NRG3: variants seen among roughly 807,000 people sequenced by gnomAD.
NRG3 encodes the protein neuregulin 3, also known as pro-neuregulin-3, membrane-bound isoform.
A neutral mutation model predicts 66.9 loss-of-function variants in NRG3; 31 were observed. The observed-to-expected ratio is 0.46, with a 90% CI of 0.35 to 0.63. The LOEUF (loss-of-function observed/expected upper bound fraction) is 0.63, where lower values mean the gene tolerates loss of function less well. Among genes scored for constraint, NRG3 ranks in the 20% least tolerant of loss-of-function variants. NRG3 has a pLI of 0.00. For missense variants in NRG3, 910 were observed against 878.9 expected (o/e 1.04, Z -0.45); for synonymous variants, 393 against 359.4 (o/e 1.09, Z -1.06).
intron 1 of NRG3, among the ~76,000 whole-genome samples, chr10:82,088,818 A>G (rs545997343): frequency 1.3e-5 from 2 of 152,210 alleles, no homozygotes; most frequent in African/African-American, 2.4e-5. Flanking sequence ...GCTTATTTCA[A>G]TTTTAGTCAT....
chr10:82,289,680 A>G lies in NRG3; in HGVS notation c.824-69059A>G, dbSNP rs914069928. Among the ~76,000 whole-genome samples, 3 of 152,186 alleles carry G rather than the reference A, an allele frequency of 2.0e-5. 1 individual carries two copies. The highest frequency in any genetic ancestry group is 7.2e-5 in the African/African-American group (3 of 41,456). On this transcript the variant is annotated intron_variant, in intron 1 of 8. Transcript: ENST00000372141. ...TTTTGTATAATATATACCTTTATAG[A>G]CATATTTTCATCTTTTCTACATATG...
In NRG3 at chr10:82,243,482, A is replaced by G. The variant is rs797017032; in HGVS notation, c.824-115257A>G. ...TGAAGGCACATATTTATGAAAATTC[A>G]TAATACTAGAGTTAAAGAAAAAAAT... is the stretch of plus-strand genomic sequence containing the variant. On this transcript the variant is annotated intron_variant, in intron 1 of 8. Transcript: ENST00000372141. Among the ~76,000 whole-genome samples the G allele has an allele frequency of 4.1e-4, 62 of 152,302 alleles. 1 individual carries two copies. Among genetic ancestry groups the G allele is most frequent in the African/African-American group, 1.4e-3 (59 of 41,574 alleles).
chr10:82,346,154 G>T (rs2083008233), intron 1 of NRG3, among the ~76,000 whole-genome samples: 1 of 145,626 alleles, frequency 6.9e-6, no homozygotes, highest in Non-Finnish European at 1.5e-5. Context: ...GTTTTCAAAG[G>T]GAATGCTTCC....
At position 82,656,868 on chromosome 10, in the gene NRG3, G is replaced by C. The variant is rs1047946152; in HGVS notation, c.954-81709G>C. Among the ~76,000 whole-genome samples, 3 of 152,024 alleles carry C rather than the reference G, an allele frequency of 2.0e-5. No individual in the cohort carries two copies. The East Asian group carries it at 5.8e-4, about 29-fold the overall frequency. ...AAGATCTCTTTAAAACTTAAGCCAG[G>C]TCATGATGTAGGGTCTCAAGATCTG... On this transcript the variant is annotated intron_variant, in intron 2 of 8. Transcript: ENST00000372141.
intron 1 of NRG3, among the ~76,000 whole-genome samples, chr10:81,886,410 A>G (rs998466728): frequency 1.3e-5 from 2 of 152,182 alleles, no homozygotes; most frequent in East Asian, 3.8e-4. Flanking sequence ...TACATTGGAT[A>G]TAATCCATAA....
chr10:82,640,654 T>G (rs1044432780), intron 2 of NRG3, among the ~76,000 whole-genome samples: 1 of 152,088 alleles, frequency 6.6e-6, no homozygotes, highest in Non-Finnish European at 1.5e-5. Context: ...CAAAATACTT[T>G]CAAGGAAAAA....
chr10:82,772,704 C>CTTTTTTTT (rs745609399), intron 3 of NRG3, among the ~76,000 whole-genome samples: 2 of 111,730 alleles, frequency 1.8e-5, no homozygotes, highest in East Asian at 2.6e-4. Context: ...GCTTCCATAT[C>CTTTTTTTT]TTTTTTTTTT....
chr10:82,567,803 T>C (rs1320858234), intron 2 of NRG3, among the ~76,000 whole-genome samples: 1 of 151,912 alleles, frequency 6.6e-6, no homozygotes, highest in African/African-American at 2.4e-5. Context: ...TACAAATGAT[T>C]TTTTTCTTTA....
intron 4 of NRG3, among the ~76,000 whole-genome samples, chr10:82,936,666 T>C (rs559979205): frequency 6.6e-6 from 1 of 152,190 alleles, no homozygotes; most frequent in Non-Finnish European, 1.5e-5. Context: ...ATCAGCTCGA[T>C]TTAACCATTC....
intron 4 of NRG3, among the ~76,000 whole-genome samples, chr10:82,892,696 T>TAAAC (rs1311795687): frequency 2.7e-5 from 4 of 150,416 alleles, no homozygotes; most frequent in African/African-American, 9.8e-5. Flanking sequence ...AATAAATAAA[T>TAAAC]AAATAAATAA....
At chr10:82,333,521 C>G (rs2082243078) in intron 1 of NRG3, among the ~76,000 whole-genome samples, 1 of 152,158 alleles carries the variant, frequency 6.6e-6, no homozygotes, top group African/African-American at 2.4e-5. Context: ...TTTCAAAACT[C>G]TGTATTCATC....
chr10:82,418,241 T>G (rs2088732039), intron 2 of NRG3, among the ~76,000 whole-genome samples: 1 of 152,092 alleles, frequency 6.6e-6, no homozygotes, highest in African/African-American at 2.4e-5. Flanking sequence ...ACAACCAGAT[T>G]TGGGGATGGT....
rs142938750 is a variant in NRG3, at chr10:82,004,286, C to T, written c.823+128123C>T. 5.3e-5 allele frequency among the ~76,000 whole-genome samples: 8 copies of T among 151,966 alleles called. No individual in the cohort carries two copies. The East Asian group carries it at 1.4e-3, about 26-fold the overall frequency. ...TTGTAATATAAAATGTATTTCTTCA[C>T]GTGAATTACGGTTTTAAAATTTGAA... On this transcript the variant is annotated intron_variant, in intron 1 of 8. Transcript: ENST00000372141.
intron 2 of NRG3, among the ~76,000 whole-genome samples, chr10:82,464,634 C>T (rs2131997900): frequency 1.3e-5 from 2 of 152,252 alleles, no homozygotes. Flanking sequence ...TTCTCAGCCC[C>T]TAATGAGTGC....
intron 1 of NRG3, among the ~76,000 whole-genome samples, chr10:82,304,908 A>C (rs1283507311): frequency 6.6e-6 from 1 of 151,816 alleles, no homozygotes. Flanking sequence ...AGCTATCTTA[A>C]AATATTGACT....
At chr10:82,606,064 G>A (rs539997372) in intron 2 of NRG3, among the ~76,000 whole-genome samples, 1 of 151,930 alleles carries the variant, frequency 6.6e-6, no homozygotes, top group South Asian at 2.1e-4. Context: ...CTTTTCTTCA[G>A]CTTACTTTAA....
rs761516745 is a variant in NRG3, at chr10:82,979,012, G to A, written c.1475G>A (p.Arg492Lys). Reference protein sequence around the residue: ...RSGMLHRNAFRRTPPSPRSRL... With the variant: ...RSGMLHRNAFKRTPPSPRSRL... ...GGCATGCTCCATAGGAATGCCTTCAGAAGGACACCCCCGTCACCCCGAAGT... is the reference window on the plus strand; with the variant it reads ...GGCATGCTCCATAGGAATGCCTTCAAAAGGACACCCCCGTCACCCCGAAGT... The change falls in exon 8 of 9, where the codon AGA becomes AAA. Residue 492 changes from arginine (R) to lysine (K), a missense_variant. Physicochemically the swap from Arg to Lys is conservative, Grantham distance 26. Coordinates refer to ENST00000372141, the MANE Select transcript of NRG3 (RefSeq NM_001010848.4). 1.9e-6 allele frequency: 3 copies of A among 1,613,976 alleles called. No individual in the cohort carries two copies. In the Admixed American group the frequency reaches 5.0e-5, roughly 27 times the overall value.
rs187219329 is a variant in NRG3, at chr10:82,272,928, G to A, written c.824-85811G>A. Reference sequence around the variant, plus strand: ...TGGGCCTGTTTAAGGTTATTAATTCGTTCCAGTTCTTGGGGAGAGCAGCAT... The same window carrying A: ...TGGGCCTGTTTAAGGTTATTAATTCATTCCAGTTCTTGGGGAGAGCAGCAT... On this transcript the variant is annotated intron_variant, in intron 1 of 8. Transcript: ENST00000372141. Among the ~76,000 whole-genome samples the A allele has an allele frequency of 6.6e-5, 10 of 152,064 alleles. No homozygotes were observed. In the East Asian group the frequency reaches 1.2e-3, roughly 18 times the overall value.
At chr10:82,382,658 C>T (rs1048777458) in intron 2 of NRG3, among the ~76,000 whole-genome samples, 1 of 151,816 alleles carries the variant, frequency 6.6e-6, no homozygotes, top group Admixed American at 6.6e-5. Context: ...GCAGTCGAAA[C>T]CGATATTAAA....
Sources: gnomAD v4.1 joint callset for allele counts (sites outside exome capture counted in the v4.1 genomes callset) on GRCh38, gnomAD v4.1.1 for gene constraint, MANE v1.5 for transcripts, NCBI Gene and HGNC (gene_info 2026-07-23, HGNC 2026-07-21) for gene names.